PCDH9: variants seen among roughly 807,000 people sequenced by gnomAD.
PCDH9 encodes the protein protocadherin 9.
Under a neutral mutation model 70.6 loss-of-function variants are expected in PCDH9, and 24 were observed. The observed-to-expected ratio is 0.34, with a 90% CI of 0.25 to 0.48. PCDH9 has a LOEUF of 0.48. PCDH9 is among the 20% of genes least tolerant of loss of function. PCDH9 has a pLI of 0.99. For synonymous variants in PCDH9, 562 were observed against 558.5 expected (o/e 1.01, Z -0.09); for missense variants, 1,281 against 1,503.6 (o/e 0.85, Z 2.45).
intron 3 of PCDH9, among the ~76,000 whole-genome samples, chr13:66,662,677 A>G (rs2139020089): frequency 6.6e-6 from 1 of 152,284 alleles, no homozygotes; most frequent in Admixed American, 6.5e-5. Context: ...TGGATGGGCG[A>G]ATGAAGAAAC....
At chr13:66,629,845 G>T (rs999024839) in intron 4 of PCDH9, among the ~76,000 whole-genome samples, 2 of 152,152 alleles carry the variant, frequency 1.3e-5, no homozygotes, top group African/African-American at 4.8e-5. Flanking sequence ...GGGATTGGAA[G>T]GAGGCATACC....
At chr13:66,393,247 T>G (rs1957048705) in intron 4 of PCDH9, among the ~76,000 whole-genome samples, 1 of 152,210 alleles carries the variant, frequency 6.6e-6, no homozygotes, top group Non-Finnish European at 1.5e-5. Context: ...CAGGTGGTAT[T>G]TCATGTCTAC....
chr13:66,574,527 G>A (rs143143679), intron 4 of PCDH9, among the ~76,000 whole-genome samples: 15 of 152,138 alleles, frequency 9.9e-5, no homozygotes, highest in East Asian at 3.9e-4. Flanking sequence ...TGTGTCTTCC[G>A]TATCCCAATT....
chr13:66,428,700 G>A (rs913118015), intron 4 of PCDH9, among the ~76,000 whole-genome samples: 4 of 151,452 alleles, frequency 2.6e-5, no homozygotes, highest in Non-Finnish European at 4.4e-5. Context: ...TTGAATATAC[G>A]AGATATTTAG....
At chr13:67,071,125 C>A (rs1023609392) in intron 2 of PCDH9, among the ~76,000 whole-genome samples, 1 of 152,128 alleles carries the variant, frequency 6.6e-6, no homozygotes, top group African/African-American at 2.4e-5. Flanking sequence ...ACTCCCTCAA[C>A]CCCCAGTCGT....
chr13:66,489,032 T>G (rs886389109), intron 4 of PCDH9, among the ~76,000 whole-genome samples: 2 of 152,050 alleles, frequency 1.3e-5, no homozygotes, highest in Admixed American at 1.3e-4. Context: ...GCATTATAAA[T>G]TCTTTGCTAT....
At chr13:67,026,721 G>A (rs1257132049) in intron 2 of PCDH9, among the ~76,000 whole-genome samples, 4 of 151,992 alleles carry the variant, frequency 2.6e-5, no homozygotes, top group Middle Eastern at 3.4e-3. Flanking sequence ...CAAAGTCTCA[G>A]GATACAAAAT....
chr13:66,922,534 T>G (rs1349120982), intron 2 of PCDH9, among the ~76,000 whole-genome samples: 1 of 151,464 alleles, frequency 6.6e-6, no homozygotes, highest in African/African-American at 2.4e-5. Context: ...ACAAACTTAT[T>G]CCAACAACTC....
At chr13:66,338,091 A>G (rs941004531) in intron 4 of PCDH9, among the ~76,000 whole-genome samples, 6 of 152,138 alleles carry the variant, frequency 3.9e-5, no homozygotes, top group African/African-American at 1.2e-4. Flanking sequence ...CTCAGTTTTC[A>G]TATTCATACA....
intron 3 of PCDH9, among the ~76,000 whole-genome samples, chr13:66,654,359 G>A (rs1048494919): frequency 3.3e-5 from 5 of 151,872 alleles, no homozygotes; most frequent in African/African-American, 1.2e-4. Context: ...TGGTTAATGG[G>A]TACAAAAATA....
Position 67,148,731 on chromosome 13 carries a change from A to T in PCDH9, c.3036+76674T>A, listed in dbSNP as rs149816339. ...AAAGACATTTTTATTAACCATTAAAAGCCTGAGAAAAAGCTGATTGAGGTT... is the reference window on the plus strand; with the variant it reads ...AAAGACATTTTTATTAACCATTAAATGCCTGAGAAAAAGCTGATTGAGGTT... On this transcript the variant is annotated intron_variant, in intron 2 of 4. Transcript: ENST00000377865. Among the ~76,000 whole-genome samples the T allele has an allele frequency of 3.7e-3, 558 of 152,336 alleles. 10 individuals carry two copies. Among genetic ancestry groups the T allele is most frequent in the African/African-American group, 0.013 (527 of 41,590 alleles).
At chr13:66,965,990 C>T (rs1366092657) in intron 2 of PCDH9, among the ~76,000 whole-genome samples, 2 of 151,998 alleles carry the variant, frequency 1.3e-5, no homozygotes, top group Admixed American at 6.6e-5. Context: ...TTTAGGTCAC[C>T]TAAATCTTTT....
At chr13:66,616,724 G>A (rs986906864) in intron 4 of PCDH9, among the ~76,000 whole-genome samples, 35 of 152,136 alleles carry the variant, frequency 2.3e-4, no homozygotes, top group Admixed American at 7.9e-4. Flanking sequence ...CCAAAGCCAA[G>A]CACCATGCAC....
chr13:66,975,050 TAAAAG>T (rs2083590507), intron 2 of PCDH9, among the ~76,000 whole-genome samples: 1 of 152,030 alleles, frequency 6.6e-6, no homozygotes, highest in Non-Finnish European at 1.5e-5. Context: ...ACTAAACTAA[TAAAAG>T]AAAATTGTGG....
At chr13:67,116,230 G>C (rs778670324) in intron 2 of PCDH9, among the ~76,000 whole-genome samples, 11 of 152,152 alleles carry the variant, frequency 7.2e-5, no homozygotes, top group Non-Finnish European at 1.6e-4. Flanking sequence ...ACCAGAGAAT[G>C]CTGGAAACAC....
chr13:66,552,105 C>G (rs192958799), intron 4 of PCDH9, among the ~76,000 whole-genome samples: 8 of 152,206 alleles, frequency 5.3e-5, no homozygotes, highest in Admixed American at 5.2e-4. Context: ...TGTCCTACCA[C>G]CTCTCTACCT....
At chr13:66,439,081 C>A (rs1367465125) in intron 4 of PCDH9, among the ~76,000 whole-genome samples, 2 of 152,110 alleles carry the variant, frequency 1.3e-5, no homozygotes, top group Non-Finnish European at 2.9e-5. Context: ...AATTGTGACT[C>A]AGAATGAGAT....
chr13:66,710,274 C>T (rs983734077), intron 3 of PCDH9, among the ~76,000 whole-genome samples: 7 of 151,946 alleles, frequency 4.6e-5, no homozygotes, highest in Admixed American at 2.0e-4. Flanking sequence ...ATAACTATGG[C>T]GATTCCACTG....
At chr13:66,567,646 A>G (rs1166243901) in intron 4 of PCDH9, among the ~76,000 whole-genome samples, 1 of 152,212 alleles carries the variant, frequency 6.6e-6, no homozygotes, top group African/African-American at 2.4e-5. Context: ...TTAGAGAAAT[A>G]TTTAGTGAAA....
Sources: gnomAD v4.1 joint callset for allele counts (sites outside exome capture counted in the v4.1 genomes callset) on GRCh38, gnomAD v4.1.1 for gene constraint, MANE v1.5 for transcripts, NCBI Gene and HGNC (gene_info 2026-07-23, HGNC 2026-07-21) for gene names.